The following RBM28 variants were observed in gnomAD, a reference collection of about 807,000 sequenced individuals.
The protein encoded by RBM28 is RNA-binding protein 28.
Under a neutral mutation model 98.3 loss-of-function variants are expected in RBM28, and 78 were observed. That is an observed-to-expected ratio of 0.79 (90% CI 0.66 to 0.96). The LOEUF (loss-of-function observed/expected upper bound fraction) is 0.96, where lower values mean the gene tolerates loss of function less well. Ranked by LOEUF, RBM28 falls within the 40% of genes least tolerant of loss-of-function variation. The pLI is 0.00. For missense variants in RBM28, 838 were observed against 913.0 expected (o/e 0.92, Z 1.06); for synonymous variants, 306 against 330.9 (o/e 0.92, Z 0.82).
At chr7:128,320,988 C>T (rs1040400526) in intron 14 of RBM28, among the ~76,000 whole-genome samples, 22 of 152,180 alleles carry the variant, frequency 1.4e-4, no homozygotes, top group Non-Finnish European at 8.8e-5. Context: ...TAACATGGTG[C>T]AATCCCTTCT....
At chr7:128,322,446 C>T (rs780809172) in intron 13 of RBM28, among the ~76,000 whole-genome samples, 24 of 152,114 alleles carry the variant, frequency 1.6e-4, no homozygotes, top group Non-Finnish European at 2.6e-4. Context: ...TCTTCTCAGT[C>T]CTGCTGCTTC....
intron 13 of RBM28, 59 bp from the exon 14 acceptor site, chr7:128,321,483 A>C: frequency 6.3e-7 from 1 of 1,597,246 alleles, no homozygotes; most frequent in South Asian, 1.1e-5. Context: ...GTAGGCTCAT[A>C]ATTCTCCAAA....
chr7:128,333,910 T>C (rs915612145), intron 8 of RBM28, among the ~76,000 whole-genome samples: 1 of 152,204 alleles, frequency 6.6e-6, no homozygotes, highest in African/African-American at 2.4e-5. Flanking sequence ...GACATTTCCA[T>C]ATACTACTAT....
intron 10 of RBM28, among the ~76,000 whole-genome samples, chr7:128,329,429 T>A (rs1032503943): frequency 2.0e-5 from 3 of 152,088 alleles, no homozygotes; most frequent in African/African-American, 7.2e-5. Flanking sequence ...TGAGTAAAAA[T>A]CAAAAGTGAT....
chr7:128,339,749 A>C lies in RBM28; in HGVS notation c.161T>G (p.Met54Arg). 6.2e-7 allele frequency: 1 copy of C among 1,614,112 alleles called. No homozygotes were observed. The highest frequency in any genetic ancestry group is 8.5e-7 in the Non-Finnish European group (1 of 1,179,964). Residue 54 changes from methionine to arginine, a missense_variant, in exon 2 of 19, where the codon ATG (methionine) becomes AGG (arginine). Physicochemically the swap from Met to Arg is moderately conservative, Grantham distance 91 (BLOSUM62 -1). Transcript: ENST00000223073. ...CRGFGYVTFSMLEDVQRALKE... is the reference protein window; with the variant it reads ...CRGFGYVTFSRLEDVQRALKE... The stretch of plus-strand genomic sequence containing the variant: ...GAGGGCCCTCTGAACATCTTCCAGC[A>C]TTGAAAAAGTGACATAGCCAAAGCC...
At position 128,304,871 on chromosome 7, in the gene RBM28, C is replaced by G. The variant is rs1434583347; in HGVS notation, c.*5926G>C. The G allele has an allele frequency of 6.6e-6, 1 of 152,084 alleles. No individual in the cohort carries two copies. Among genetic ancestry groups the G allele is most frequent in the South Asian group, 2.1e-4 (1 of 4,826 alleles). The allele number at this position is 152,084 out of a possible 1,614,324, so 9.4% of individuals were successfully genotyped here. A position where few individuals can be genotyped will look rare whatever the true frequency, so the allele number is the denominator to read the frequency against. On this transcript the variant is annotated 3_prime_UTR_variant, in exon 19 of 19. Transcript: ENST00000223073. ...TCAAAAGTATGTTATTAGAAAGTTG[C>G]GCATCACGGCCGGGCACGGTGGTTC...
rs539870277 is a variant in RBM28, at chr7:128,322,191, AAAG to A, written c.1405-770_1405-768del. 1.2e-4 allele frequency among the ~76,000 whole-genome samples: 19 copies of A among 152,326 alleles called. No homozygotes were observed. In the East Asian group the frequency reaches 3.7e-3, roughly 29 times the overall value. ...TTCCAAAAGGAAATGGAAGTTATTC[AAAG>A]AATACTTGACAGAATGCTGTGTTGT... On this transcript the variant is annotated intron_variant, in intron 13 of 18. Coordinates refer to ENST00000223073, the MANE Select transcript of RBM28 (RefSeq NM_018077.3).
intron 16 of RBM28, among the ~76,000 whole-genome samples, chr7:128,315,661 T>G (rs922557923): frequency 2.6e-5 from 4 of 151,924 alleles, no homozygotes; most frequent in Admixed American, 1.3e-4. Context: ...TCAGAAACCA[T>G]GTAAGCAAGA....
chr7:128,298,452 A>G lies in RBM28; in HGVS notation c.*12345T>C, dbSNP rs900265792. The G allele has an allele frequency of 6.6e-6, 1 of 152,212 alleles. No individual in the cohort carries two copies. The allele number at this position is 152,212 out of a possible 1,614,324, so 9.4% of individuals were successfully genotyped here. The stretch of plus-strand genomic sequence containing the variant: ...CAGTCGGCCGACACTTATGGAAAAT[A>G]GAAAGAACCTATGTTGAAATATTGG... On this transcript the variant is annotated 3_prime_UTR_variant, in exon 19 of 19. Transcript: ENST00000223073.
chr7:128,337,839 G>T (rs188999788), intron 5 of RBM28, among the ~76,000 whole-genome samples: 1 of 152,216 alleles, frequency 6.6e-6, no homozygotes, highest in South Asian at 2.1e-4. Context: ...AGGATTACAG[G>T]TGTGAGCCAC....
chr7:128,333,147 C>G, intron 9 of RBM28, 143 bp downstream of exon 9: 2 of 709,250 alleles, frequency 2.8e-6, no homozygotes, highest in Non-Finnish European at 5.1e-6. Flanking sequence ...CTACATTTCT[C>G]ATTGTTTAGT....
At chr7:128,328,189 A>G (rs1047509599) in intron 10 of RBM28, among the ~76,000 whole-genome samples, 3 of 152,258 alleles carry the variant, frequency 2.0e-5, no homozygotes, top group African/African-American at 7.2e-5. Flanking sequence ...ACTATAGTGT[A>G]CAGCATTAAC....
chr7:128,318,060 C>A lies in RBM28; in HGVS notation c.1610G>T (p.Gly537Val). The A allele has an allele frequency of 6.2e-7, 1 of 1,613,920 alleles. No homozygotes were observed. Among genetic ancestry groups the A allele is most frequent in the Non-Finnish European group, 8.5e-7 (1 of 1,179,764 alleles). The change falls in exon 15 of 19, where the codon GGT becomes GTT. Residue 537 changes from glycine (G) to valine (V), a missense_variant. Transcript: ENST00000223073. ...CGCAAAGGCGTAGCCCAGGGACTGA[C>A]CCTTCATGTTCCCATGAACTCCTTT... ...DLKGVHGNMK[G>V]QSLGYAFAEF... is the part of the protein sequence containing the mutation.
intron 13 of RBM28, 77 bp from the exon 14 acceptor site, chr7:128,321,501 A>G: frequency 6.4e-7 from 1 of 1,561,688 alleles, no homozygotes; most frequent in Non-Finnish European, 8.8e-7. Context: ...AAAAGGAAAG[A>G]ATTATGATCC....
intron 13 of RBM28, 68 bp downstream of exon 13, chr7:128,323,459 T>C (rs1796279753): frequency 6.4e-7 from 1 of 1,566,912 alleles, no homozygotes; most frequent in Non-Finnish European, 8.8e-7. Flanking sequence ...ACATCTAGCA[T>C]TCGATAACTA....
chr7:128,333,039 C>T (rs1295153964), intron 9 of RBM28, among the ~76,000 whole-genome samples: 1 of 152,194 alleles, frequency 6.6e-6, no homozygotes, highest in East Asian at 1.9e-4. Flanking sequence ...CTGATTTCTT[C>T]CAAATGATGC....
intron 5 of RBM28, 69 bp downstream of exon 5, chr7:128,338,180 TG>T: frequency 9.0e-7 from 1 of 1,108,912 alleles, no homozygotes; most frequent in East Asian, 2.4e-5. Context: ...ATGCAGAAAG[TG>T]GGTTACTACA....
rs1372968431 is a variant in RBM28, at chr7:128,302,559, GGGAGTCCTA to G, written c.*8229_*8237del. 6.6e-6 allele frequency: 1 copy of G among 152,144 alleles called. No homozygotes were observed. The highest frequency in any genetic ancestry group is 1.9e-4 in the East Asian group (1 of 5,192). The allele number at this position is 152,144 out of a possible 1,614,324, so 9.4% of individuals were successfully genotyped here. ...CCCTTTCCCTATTAGCAACCTCTAA[GGGAGTCCTA>G]GCTACTGCCTAGGAAATCACAAAAT... is the stretch of plus-strand genomic sequence containing the variant. On this transcript the variant is annotated 3_prime_UTR_variant, in exon 19 of 19. Transcript: ENST00000223073.
At chr7:128,320,084 G>C (rs192293714) in intron 14 of RBM28, among the ~76,000 whole-genome samples, 1 of 152,042 alleles carries the variant, frequency 6.6e-6, no homozygotes, top group Non-Finnish European at 1.5e-5. Flanking sequence ...GGGCGTGGTG[G>C]TGCATGCCTG....
Sources: gnomAD v4.1 joint callset for allele counts (sites outside exome capture counted in the v4.1 genomes callset) on GRCh38, gnomAD v4.1.1 for gene constraint, MANE v1.5 for transcripts, NCBI Gene and HGNC (gene_info 2026-07-23, HGNC 2026-07-21) for gene names.